FCN3: variants seen among roughly 807,000 people sequenced by gnomAD.
The protein encoded by FCN3 is ficolin-3.
FCN3 carries 28 observed loss-of-function variants against 31.5 expected under a neutral mutation model. The observed-to-expected ratio is 0.89, with a 90% CI of 0.66 to 1.22. FCN3 has a LOEUF of 1.22. Among genes scored for constraint, FCN3 ranks in the 50% most tolerant of loss-of-function variants. The pLI, the probability that FCN3 is intolerant of heterozygous loss-of-function variation, is 0.00. For missense variants in FCN3, 351 were observed against 386.8 expected (o/e 0.91, Z 0.78); for synonymous variants, 124 against 147.4 (o/e 0.84, Z 1.15).
Position 27,369,355 on chromosome 1 carries a change from A to G in FCN3, c.781T>C (p.Ser261Pro). Residue 261 changes from serine to proline, a missense_variant, in exon 8 of 8, where the codon TCA becomes CCA. Coordinates refer to ENST00000270879, the MANE Select transcript of FCN3 (RefSeq NM_003665.4). ...ACTGCATAGCGACCATTGAGATTTG[A>G]TCGGTAACAGGATGCATACCACCAG... ...GAWWYASCYR[S>P]NLNGRYAVSE... 5 of 1,614,204 alleles carry G rather than the reference A, an allele frequency of 3.1e-6. No homozygotes were observed. Among genetic ancestry groups the G allele is most frequent in the Non-Finnish European group, 4.2e-6 (5 of 1,180,040 alleles).
In FCN3 at chr1:27,370,982, G is replaced by A. The variant is rs374018072; in HGVS notation, c.394-10C>T. 1 of 1,611,120 alleles carries A rather than the reference G, an allele frequency of 6.2e-7. No individual in the cohort carries two copies. The highest frequency in any genetic ancestry group is 1.3e-5 in the African/African-American group (1 of 74,974). On this transcript the variant is annotated splice_polypyrimidine_tract_variant and intron_variant, in intron 5 of 7. Transcript: ENST00000270879. ...GGCGCCTCTGAAACACCTGGGGGAGGGGGGGCACAGCAGCTATTACTCCAG... is the reference window on the plus strand; with the variant it reads ...GGCGCCTCTGAAACACCTGGGGGAGAGGGGGCACAGCAGCTATTACTCCAG...
chr1:27,370,256 G>A (rs1321316291), intron 7 of FCN3, among the ~76,000 whole-genome samples: 2 of 152,008 alleles, frequency 1.3e-5, no homozygotes, highest in East Asian at 1.9e-4. Context: ...TTATCTGCCC[G>A]CCTCGGCCTC....
intron 4 of FCN3, 50 bp downstream of exon 4, chr1:27,373,431 GCCAACAC>G: frequency 1.2e-6 from 2 of 1,606,306 alleles, no homozygotes; most frequent in Non-Finnish European, 8.5e-7. Context: ...TTGGGGGTCT[GCCAACAC>G]CCAACACCAT....
At chr1:27,374,129 G>A in intron 2 of FCN3, 120 bp from the exon 3 acceptor site, 1 of 927,344 alleles carries the variant, frequency 1.1e-6, no homozygotes, top group Non-Finnish European at 1.7e-6. Flanking sequence ...CTTTGTGATT[G>A]CGGGCAAATA....
intron 7 of FCN3, among the ~76,000 whole-genome samples, chr1:27,370,132 G>A (rs755337093): frequency 1.3e-5 from 2 of 151,558 alleles, no homozygotes; most frequent in Admixed American, 6.6e-5. Flanking sequence ...TCAGCCTCCC[G>A]AGTAGCTGGG....
At chr1:27,373,648 G>T in intron 3 of FCN3, 128 bp from the exon 4 acceptor site, 1 of 983,692 alleles carries the variant, frequency 1.0e-6, no homozygotes, top group South Asian at 1.4e-5. Context: ...ATACCCTGTA[G>T]GAGGGCCATC....
At chr1:27,374,280 T>C in intron 2 of FCN3, 76 bp downstream of exon 2, 1 of 1,103,686 alleles carries the variant, frequency 9.1e-7, no homozygotes, top group Non-Finnish European at 1.4e-6. Context: ...TCGTGGCCCC[T>C]CAGCACAGAC....
rs71010351 is a variant in FCN3, at chr1:27,372,773, A to ATTT, written c.393+360_393+362dup. On this transcript the variant is annotated intron_variant, in intron 5 of 7. Coordinates refer to ENST00000270879, the MANE Select transcript of FCN3 (RefSeq NM_003665.4). ...TAGCTGGAATGCCCCTCCCTACCCT[A>ATTT]TTTTTTTTTTTTTTTTTTTTTGAGA... Among the ~76,000 whole-genome samples the ATTT allele has an allele frequency of 4.5e-3, 434 of 96,418 alleles. 36 individuals carry two copies. Among genetic ancestry groups the ATTT allele is most frequent in the East Asian group, 0.021 (69 of 3,340 alleles). The allele number at this position is 96,418 out of a possible 152,430, so 63.3% of individuals were successfully genotyped here. A position where few individuals can be genotyped will look rare whatever the true frequency, so the allele number is the denominator to read the frequency against.
Position 27,373,116 on chromosome 1 carries a change from C to T in FCN3, c.393+20G>A. ...GTGACCAGTGGGCCTGGCCTGTTAG[C>T]CCATTTCTCAGACACTCACCAGCCA... On this transcript the variant is annotated intron_variant, in intron 5 of 7. Coordinates refer to ENST00000270879, the MANE Select transcript of FCN3 (RefSeq NM_003665.4). 4 of 1,612,504 alleles carry T rather than the reference C, an allele frequency of 2.5e-6. No homozygotes were observed. Among genetic ancestry groups the T allele is most frequent in the Non-Finnish European group, 3.4e-6 (4 of 1,179,160 alleles).
At position 27,373,277 on chromosome 1, in the gene FCN3, G is replaced by A; in HGVS notation, c.266-14C>T. 4 of 1,614,046 alleles carry A rather than the reference G, an allele frequency of 2.5e-6. No individual in the cohort carries two copies. The highest frequency in any genetic ancestry group is 3.4e-6 in the Non-Finnish European group (4 of 1,179,966). ...AGTTTCTGGGGCCTGGGAAAGGGGA[G>A]ATGGACTGGGGTGGTGCCCAGGTTA... is the stretch of plus-strand genomic sequence containing the variant. On this transcript the variant is annotated splice_polypyrimidine_tract_variant and intron_variant, in intron 4 of 7. Transcript: ENST00000270879.
At chr1:27,374,237 G>C in intron 2 of FCN3, 119 bp downstream of exon 2, 1 of 774,154 alleles carries the variant, frequency 1.3e-6, no homozygotes, top group Non-Finnish European at 2.1e-6. Flanking sequence ...GCCCAGCCTG[G>C]AGCTGGCACA....
At position 27,369,161 on chromosome 1, in the gene FCN3, T is replaced by C; in HGVS notation, c.*75A>G. ...TTAAATGTGGACAGGCAAGCAGAGG[T>C]GGTTGGCAAAGGCAAGGTGGCTGAC... On this transcript the variant is annotated 3_prime_UTR_variant, in exon 8 of 8. Coordinates refer to ENST00000270879, the MANE Select transcript of FCN3 (RefSeq NM_003665.4). The C allele has an allele frequency of 6.4e-7, 1 of 1,554,844 alleles. No individual in the cohort carries two copies.
intron 7 of FCN3, among the ~76,000 whole-genome samples, chr1:27,370,068 A>C: frequency 6.8e-6 from 1 of 147,316 alleles, no homozygotes; most frequent in African/African-American, 2.5e-5. Context: ...GTGCAGTGAC[A>C]CTCTCTTGGC....
In FCN3 at chr1:27,370,483, C is replaced by A. The variant is rs28385727; in HGVS notation, c.658+113G>T. 4.8e-5 allele frequency: 43 copies of A among 903,632 alleles called. No individual in the cohort carries two copies. The African/African-American group carries it at 7.2e-4, about 15-fold the overall frequency. The allele number at this position is 903,632 out of a possible 1,614,324, so 56.0% of individuals were successfully genotyped here. A position where few individuals can be genotyped will look rare whatever the true frequency, so the allele number is the denominator to read the frequency against. ...TTTCATGATTGCCATTTCTCAGATGCGGAAACTAAGGCCCACAGAGGAGAC... is the reference window on the plus strand; with the variant it reads ...TTTCATGATTGCCATTTCTCAGATGAGGAAACTAAGGCCCACAGAGGAGAC... On this transcript the variant is annotated intron_variant, in intron 7 of 7. Transcript: ENST00000270879.
chr1:27,373,425 G>A (rs2016188250), intron 4 of FCN3, 63 bp downstream of exon 4: 2 of 1,604,950 alleles, frequency 1.2e-6, no homozygotes, highest in Non-Finnish European at 1.7e-6. Context: ...CCACACTTGG[G>A]GGTCTGCCAA....
chr1:27,374,767 G>A lies in FCN3; in HGVS notation c.52C>T (p.Pro18Ser). ...PSLWLLLLGGPACLKTQEHPS... is the reference protein window; with the variant it reads ...PSLWLLLLGGSACLKTQEHPS... ...TGTTCCTGGGTCTTCAGGCAGGCAG[G>A]CCCCCCAAGCAGGAGAAGCCACAGG... The change falls in exon 1 of 8, where the codon CCT becomes TCT. Residue 18 changes from proline (P) to serine (S), a missense_variant. By Grantham distance (74) the Pro-to-Ser change is moderately conservative. Transcript: ENST00000270879. 7.2e-7 allele frequency: 1 copy of A among 1,386,512 alleles called. No homozygotes were observed. The highest frequency in any genetic ancestry group is 9.4e-7 in the Non-Finnish European group (1 of 1,064,646). 85.9% of individuals were successfully genotyped at this position (1,386,512 alleles called of 1,614,324 possible).
intron 5 of FCN3, among the ~76,000 whole-genome samples, chr1:27,371,226 C>T (rs929142478): frequency 2.6e-5 from 4 of 152,210 alleles, no homozygotes; most frequent in Non-Finnish European, 5.9e-5. Context: ...ACTGTCCCCA[C>T]CCACAGGAGA....
In FCN3 at chr1:27,370,469, C is replaced by T. The variant is rs923542150; in HGVS notation, c.658+127G>A. On this transcript the variant is annotated intron_variant, in intron 7 of 7. Transcript: ENST00000270879. Reference sequence around the variant, plus strand: ...GTTGCACCATCCTGTTTCATGATTGCCATTTCTCAGATGCGGAAACTAAGG... The same window carrying T: ...GTTGCACCATCCTGTTTCATGATTGTCATTTCTCAGATGCGGAAACTAAGG... The T allele has an allele frequency of 1.6e-5, 13 of 793,810 alleles. No individual in the cohort carries two copies. In the Admixed American group the frequency reaches 2.2e-4, roughly 13 times the overall value. The allele number at this position is 793,810 out of a possible 1,614,324, so 49.2% of individuals were successfully genotyped here. A position where few individuals can be genotyped will look rare whatever the true frequency, so the allele number is the denominator to read the frequency against.
chr1:27,373,135 C>T lies in FCN3; in HGVS notation c.393+1G>A, dbSNP rs148234540. On this transcript the variant is annotated splice_donor_variant, in intron 5 of 7. Transcript: ENST00000270879. LOFTEE classifies it high-confidence loss of function. ...TGTTAGCCCATTTCTCAGACACTCA[C>T]CAGCCAGCCGCCCCCCTCGGTGTCC... is the stretch of plus-strand genomic sequence containing the variant. 1.8e-4 allele frequency: 290 copies of T among 1,613,542 alleles called. 1 individual carries two copies. In the African/African-American group the frequency reaches 3.2e-3, roughly 18 times the overall value.
Sources: allele counts gnomAD v4.1 joint callset (sites outside exome capture counted in the v4.1 genomes callset), GRCh38; gene constraint gnomAD v4.1.1; transcripts MANE v1.5; gene names NCBI Gene and HGNC (gene_info 2026-07-23, HGNC 2026-07-21).